The following HEY2 variants were observed in gnomAD, a reference collection of about 807,000 sequenced individuals.
HEY2 encodes hairy/enhancer-of-split related with YRPW motif protein 2.
Under a neutral mutation model 18.1 loss-of-function variants are expected in HEY2, and 10 were observed. The ratio of observed to expected loss-of-function variants is 0.55; its 90% CI spans 0.34 to 0.94. The LOEUF (loss-of-function observed/expected upper bound fraction) is 0.94. HEY2 is among the 40% of genes least tolerant of loss of function. HEY2 has a pLI of 0.02. For synonymous variants in HEY2, 210 were observed against 182.7 expected, an observed-to-expected ratio of 1.15 and a Z score of -1.21; for missense variants, 455 against 455.9, an observed-to-expected ratio of 1.00 and a Z score of 0.02.
chr6:125,751,110 A>C (rs914677021), intron 1 of HEY2, among the ~76,000 whole-genome samples: 1 of 152,220 alleles, frequency 6.6e-6, no homozygotes, highest in Non-Finnish European at 1.5e-5. Context: ...GCTTAGCCTA[A>C]AGTCTGAGAC....
At chr6:125,758,411 A>C (rs1773710241) in intron 4 of HEY2, among the ~76,000 whole-genome samples, 1 of 152,224 alleles carries the variant, frequency 6.6e-6, no homozygotes, top group Non-Finnish European at 1.5e-5. Context: ...TAGTATTTTC[A>C]TATCAGGAAC....
rs1467300929 is a variant in HEY2, at chr6:125,759,180, C to T, written c.392C>T (p.Thr131Ile). Residue 131 changes from threonine to isoleucine, a missense_variant, in exon 5 of 5, where the codon ACA becomes ATA. Transcript: ENST00000368364. ...FMSIGFRECL[T>I]EVARYLSSVE... Reference sequence around the variant, plus strand: ...AGCATAGGATTCCGAGAGTGCCTAACAGAAGTTGCGCGGTACCTGAGCTCC... The same window carrying T: ...AGCATAGGATTCCGAGAGTGCCTAATAGAAGTTGCGCGGTACCTGAGCTCC... 1.9e-6 allele frequency: 3 copies of T among 1,613,580 alleles called. No homozygotes were observed. The highest frequency in any genetic ancestry group is 1.7e-5 in the Admixed American group (1 of 59,994).
chr6:125,752,072 A>C lies in HEY2; in HGVS notation c.228A>C (p.Pro76=). Reference sequence around the variant, plus strand: ...TATCTGAGTTGAGAAGACTTGTGCCAACTGCTTTTGAAAAACAAGTAAGCT... The same window carrying C: ...TATCTGAGTTGAGAAGACTTGTGCCCACTGCTTTTGAAAAACAAGTAAGCT... ...NSLSELRRLV[P]TAFEKQGSAK... Residue 76 remains proline, a synonymous_variant, in exon 3 of 5, where the codon CCA becomes CCC. Transcript: ENST00000368364. 1 of 1,613,308 alleles carries C rather than the reference A, an allele frequency of 6.2e-7. No homozygotes were observed. Among genetic ancestry groups the C allele is most frequent in the Non-Finnish European group, 8.5e-7 (1 of 1,179,344 alleles).
At chr6:125,754,590 CT>C in intron 4 of HEY2, 44 bp downstream of exon 4, 1 of 1,066,890 alleles carries the variant, frequency 9.4e-7, no homozygotes, top group Non-Finnish European at 1.4e-6. Flanking sequence ...CCTTTTTTAC[CT>C]TTCTCTTTTC....
chr6:125,758,094 T>C (rs1453443104), intron 4 of HEY2, among the ~76,000 whole-genome samples: 1 of 152,266 alleles, frequency 6.6e-6, no homozygotes, highest in Non-Finnish European at 1.5e-5. Flanking sequence ...TCTGTTTTTA[T>C]ATACCAGACG....
rs377398939 is a variant in HEY2 at position 125,759,320 on chromosome 6, C to T, written c.532C>T (p.His178Tyr). Residue 178 changes from histidine (H) to tyrosine (Y), a missense_variant, in exon 5 of 5, where the codon CAT becomes TAT. His to Tyr is a moderately conservative substitution (Grantham distance 83). Coordinates refer to ENST00000368364, the MANE Select transcript of HEY2 (RefSeq NM_012259.3). ...GACATCCTCCATGGCCCACCACCAT[C>T]ATCCGCTCCACCCGCATCACTGGGC... is the stretch of plus-strand genomic sequence containing the variant. ...AMTSSMAHHH[H>Y]PLHPHHWAAA... 1.9e-6 allele frequency: 3 copies of T among 1,605,520 alleles called. No individual in the cohort carries two copies. In the African/African-American group the frequency reaches 4.0e-5, roughly 21 times the overall value.
Position 125,759,160 on chromosome 6 carries a change from A to T in HEY2, c.372A>T (p.Ile124=), listed in dbSNP as rs751639135. Residue 124 remains isoleucine, a synonymous_variant, in exon 5 of 5, where the codon ATA becomes ATT. Coordinates refer to ENST00000368364, the MANE Select transcript of HEY2 (RefSeq NM_012259.3). ...AHALAMDFMS[I]GFRECLTEVA... Reference sequence around the variant, plus strand: ...CTCTTGCCATGGACTTCATGAGCATAGGATTCCGAGAGTGCCTAACAGAAG... The same window carrying T: ...CTCTTGCCATGGACTTCATGAGCATTGGATTCCGAGAGTGCCTAACAGAAG... The T allele has an allele frequency of 6.2e-7, 1 of 1,612,588 alleles. No individual in the cohort carries two copies. Among genetic ancestry groups the T allele is most frequent in the Non-Finnish European group, 8.5e-7 (1 of 1,179,314 alleles).
intron 1 of HEY2, chr6:125,750,304 C>T: frequency 1.0e-6 from 1 of 985,302 alleles, no homozygotes; most frequent in Non-Finnish European, 1.2e-6. Context: ...TTAAAGCAAC[C>T]TGCGATGTCA....
rs979154815 is a variant in HEY2, at chr6:125,749,788, C to G, written c.12C>G (p.Pro4=). The part of the protein sequence containing the change: MKR[P]CEETTSESDM... Reference sequence around the variant, plus strand: ...CGGTCTTCGCCGGGATGAAGCGCCCCTGCGAGGAGACGACCTCCGAGAGCG... The same window carrying G: ...CGGTCTTCGCCGGGATGAAGCGCCCGTGCGAGGAGACGACCTCCGAGAGCG... Residue 4 remains proline, a synonymous_variant, in exon 1 of 5, where the codon CCC becomes CCG. Coordinates refer to ENST00000368364, the MANE Select transcript of HEY2 (RefSeq NM_012259.3). 6.3e-6 allele frequency: 10 copies of G among 1,577,818 alleles called. No homozygotes were observed. In the African/African-American group the frequency reaches 1.2e-4, roughly 19 times the overall value.
chr6:125,759,905 C>A lies in HEY2; in HGVS notation c.*103C>A. ...GTAGCCATACAGATGCCGACAGATC[C>A]ACAAAGGAACAATAAAGCTATTTGA... is the stretch of plus-strand genomic sequence containing the variant. On this transcript the variant is annotated 3_prime_UTR_variant, in exon 5 of 5. Coordinates refer to ENST00000368364, the MANE Select transcript of HEY2 (RefSeq NM_012259.3). 1 of 858,716 alleles carries A rather than the reference C, an allele frequency of 1.2e-6. No homozygotes were observed. The highest frequency in any genetic ancestry group is 1.8e-6 in the Non-Finnish European group (1 of 558,710). 53.2% of individuals were successfully genotyped at this position (858,716 alleles called of 1,614,324 possible).
At position 125,752,026 on chromosome 6, in the gene HEY2, G is replaced by A. The variant is rs764074174; in HGVS notation, c.182G>A (p.Arg61Gln). The change falls in exon 3 of 5, where the codon CGG becomes CAG. Residue 61 changes from arginine to glutamine, a missense_variant. Arg to Gln is a conservative substitution (Grantham distance 43). Coordinates refer to ENST00000368364, the MANE Select transcript of HEY2 (RefSeq NM_012259.3). ...GGATAGATTATAGAGAAAAGGCGTC[G>A]GGATCGGATAAATAACAGTTTATCT... ...KRRGIIEKRRRDRINNSLSEL... is the reference protein window; with the variant it reads ...KRRGIIEKRRQDRINNSLSEL... 7 of 1,613,406 alleles carry A rather than the reference G, an allele frequency of 4.3e-6. No homozygotes were observed. The highest frequency in any genetic ancestry group is 1.3e-5 in the African/African-American group (1 of 74,782).
intron 4 of HEY2, among the ~76,000 whole-genome samples, chr6:125,755,154 G>C (rs1207832693): frequency 6.6e-6 from 1 of 152,080 alleles, no homozygotes; most frequent in Non-Finnish European, 1.5e-5. Context: ...GTCATTCTTG[G>C]GGAAAGCAAA....
At position 125,760,021 on chromosome 6, in the gene HEY2, C is replaced by T. The variant is rs1036502561; in HGVS notation, c.*219C>T. The T allele has an allele frequency of 1.7e-6, 1 of 574,092 alleles. No individual in the cohort carries two copies. The highest frequency in any genetic ancestry group is 1.9e-5 in the African/African-American group (1 of 53,080). 35.6% of individuals were successfully genotyped at this position (574,092 alleles called of 1,614,324 possible). On this transcript the variant is annotated 3_prime_UTR_variant, in exon 5 of 5. Coordinates refer to ENST00000368364, the MANE Select transcript of HEY2 (RefSeq NM_012259.3). ...AAGGCAGCTCGGTAACTGACATCAG[C>T]AACTTTTGAAAACTTCACACTTGTT...
chr6:125,754,225 T>G (rs1182869730), intron 3 of HEY2, among the ~76,000 whole-genome samples: 2 of 152,220 alleles, frequency 1.3e-5, no homozygotes, highest in Non-Finnish European at 2.9e-5. Context: ...TTTAAAAAAG[T>G]CATTCTAGTT....
chr6:125,757,818 C>T (rs1773693757), intron 4 of HEY2, among the ~76,000 whole-genome samples: 1 of 152,096 alleles, frequency 6.6e-6, no homozygotes, highest in South Asian at 2.1e-4. Context: ...AGTGTGGTGG[C>T]ACATGCCTAT....
rs2243357 is a variant in HEY2 at position 125,754,563 on chromosome 6, ATTT to A, written c.328+30_328+32del. ...GGGGTAAAGGTAAGTAGATGACTTCATTTTTTTTTTTTTTTGCCTTTTTTACCT... is the reference window on the plus strand; with the variant it reads ...GGGGTAAAGGTAAGTAGATGACTTCATTTTTTTTTTTTGCCTTTTTTACCT... On this transcript the variant is annotated intron_variant, in intron 4 of 4. Coordinates refer to ENST00000368364, the MANE Select transcript of HEY2 (RefSeq NM_012259.3). The A allele has an allele frequency of 8.4e-3, 9,138 of 1,091,620 alleles. 8 individuals carry two copies. Among genetic ancestry groups the A allele is most frequent in the South Asian group, 0.012 (739 of 59,366 alleles). The allele number at this position is 1,091,620 out of a possible 1,614,324, so 67.6% of individuals were successfully genotyped here.
At position 125,754,994 on chromosome 6, in the gene HEY2, T is replaced by C. The variant is rs3799710; in HGVS notation, c.328+448T>C. Among the ~76,000 whole-genome samples the C allele has an allele frequency of 6.2e-3, 944 of 152,344 alleles. 22 individuals carry two copies. In the East Asian group the frequency reaches 0.069, roughly 11 times the overall value. On this transcript the variant is annotated intron_variant, in intron 4 of 4. Transcript: ENST00000368364. The stretch of plus-strand genomic sequence containing the variant: ...GTCTTCATTAAATGAAGGCTAAGAC[T>C]GAAAATAATTCAGCTATTCCAAAGG...
In HEY2 at chr6:125,752,214, T is replaced by C. The variant is rs185432140; in HGVS notation, c.246+124T>C. 455 of 639,448 alleles carry C rather than the reference T, an allele frequency of 7.1e-4. 3 individuals are homozygous for C. In the East Asian group the frequency reaches 0.011, roughly 16 times the overall value. The allele number at this position is 639,448 out of a possible 1,614,324, so 39.6% of individuals were successfully genotyped here. ...TTGTTAAAGCTCATTAAAATAATAG[T>C]GTATGTGCCCTGATCTGGCACAGAG... On this transcript the variant is annotated intron_variant, in intron 3 of 4. Coordinates refer to ENST00000368364, the MANE Select transcript of HEY2 (RefSeq NM_012259.3).
intron 3 of HEY2, among the ~76,000 whole-genome samples, chr6:125,752,471 A>G (rs1773572003): frequency 6.6e-6 from 1 of 151,318 alleles, no homozygotes; most frequent in Non-Finnish European, 1.5e-5. Context: ...TTTTTTTAAA[A>G]TGTAATATTT....
Sources: allele counts gnomAD v4.1 joint callset (sites outside exome capture counted in the v4.1 genomes callset), GRCh38; gene constraint gnomAD v4.1.1; transcripts MANE v1.5; gene names NCBI Gene and HGNC (gene_info 2026-07-23, HGNC 2026-07-21).